Variants in NAV2 observed in about 807,000 individuals in gnomAD.
NAV2 encodes neuron navigator 2, also known as helicase, APC down-regulated 1.
NAV2 carries 54 observed loss-of-function variants against 223.2 expected under a neutral mutation model. That is an observed-to-expected ratio of 0.24 (90% CI 0.19 to 0.30). NAV2 has a LOEUF of 0.30. Among genes scored for constraint, NAV2 ranks in the 10% least tolerant of loss-of-function variants. The pLI, the probability that NAV2 is intolerant of heterozygous loss-of-function variation, is 1.00. For missense variants in NAV2, 2,806 were observed against 3,147.5 expected (o/e 0.89, Z 2.60); for synonymous variants, 1,279 against 1,239.3 (o/e 1.03, Z -0.67).
At chr11:19,838,245 T>C (rs575748238) in intron 2 of NAV2, among the ~76,000 whole-genome samples, 62 of 152,270 alleles carry the variant, frequency 4.1e-4, no homozygotes, top group South Asian at 2.1e-3. Flanking sequence ...AGGAGGAGTG[T>C]AGTGATGATG....
At chr11:19,774,739 T>C (rs1266050227) in intron 1 of NAV2, among the ~76,000 whole-genome samples, 1 of 152,202 alleles carries the variant, frequency 6.6e-6, no homozygotes, top group Non-Finnish European at 1.5e-5. Flanking sequence ...AGAATACCTA[T>C]GACCTAAGGT....
intron 11 of NAV2, among the ~76,000 whole-genome samples, chr11:20,004,381 G>A (rs974607724): frequency 2.9e-4 from 44 of 152,278 alleles, no homozygotes; most frequent in African/African-American, 9.9e-4. Context: ...AAATGGGCAT[G>A]TAAAGTCCTG....
intron 1 of NAV2, among the ~76,000 whole-genome samples, chr11:19,409,079 C>T (rs1850030676): frequency 1.3e-5 from 2 of 152,154 alleles, no homozygotes. Flanking sequence ...GTATGTTAAG[C>T]CATGTAAATC....
At chr11:19,737,770 G>C (rs995844101) in intron 1 of NAV2, among the ~76,000 whole-genome samples, 6 of 152,182 alleles carry the variant, frequency 3.9e-5, no homozygotes, top group Non-Finnish European at 8.8e-5. Context: ...CCCAGTGAAT[G>C]GTGGCTATTA....
At chr11:19,490,713 T>A (rs1242604817) in intron 1 of NAV2, among the ~76,000 whole-genome samples, 1 of 152,256 alleles carries the variant, frequency 6.6e-6, no homozygotes, top group Non-Finnish European at 1.5e-5. Flanking sequence ...TTTCCATTAA[T>A]GTTGATACTT....
intron 1 of NAV2, among the ~76,000 whole-genome samples, chr11:19,757,692 C>T (rs970387704): frequency 6.6e-6 from 1 of 152,114 alleles, no homozygotes; most frequent in Admixed American, 6.5e-5. Flanking sequence ...ATCTGGTGCA[C>T]AGTAACAGCT....
At chr11:19,961,503 T>C (rs1170567684) in intron 10 of NAV2, among the ~76,000 whole-genome samples, 1 of 152,232 alleles carries the variant, frequency 6.6e-6, no homozygotes, top group East Asian at 1.9e-4. Context: ...CAGATCAAGA[T>C]AAGAAGCTTA....
intron 1 of NAV2, among the ~76,000 whole-genome samples, chr11:19,704,468 C>G (rs2049600136): frequency 6.6e-6 from 1 of 152,132 alleles, no homozygotes; most frequent in Non-Finnish European, 1.5e-5. Flanking sequence ...AAGTCCTGCT[C>G]TTCTACTTAA....
intron 1 of NAV2, among the ~76,000 whole-genome samples, chr11:19,636,303 C>G (rs1055835546): frequency 1.3e-5 from 2 of 152,150 alleles, no homozygotes; most frequent in African/African-American, 4.8e-5. Context: ...CTTATCCCTA[C>G]AAAGCGGCTC....
At chr11:19,444,547 A>G (rs1851514598) in intron 1 of NAV2, among the ~76,000 whole-genome samples, 1 of 151,588 alleles carries the variant, frequency 6.6e-6, no homozygotes, top group Non-Finnish European at 1.5e-5. Flanking sequence ...GAATGGCTGT[A>G]GAACCGGCCC....
At chr11:19,795,313 A>G (rs1344461322) in intron 1 of NAV2, among the ~76,000 whole-genome samples, 3 of 152,226 alleles carry the variant, frequency 2.0e-5, no homozygotes, top group Non-Finnish European at 2.9e-5. Context: ...ATTTAAGTCA[A>G]TGTCACCCAA....
chr11:19,995,294 T>C (rs907390671), intron 11 of NAV2, among the ~76,000 whole-genome samples: 2 of 152,230 alleles, frequency 1.3e-5, no homozygotes, highest in African/African-American at 4.8e-5. Context: ...GCAGGGACTC[T>C]GTGAACTGTT....
intron 1 of NAV2, among the ~76,000 whole-genome samples, chr11:19,467,454 A>G (rs986803718): frequency 2.6e-5 from 4 of 152,234 alleles, no homozygotes; most frequent in Non-Finnish European, 5.9e-5. Context: ...TAAGACAAGA[A>G]AATCACTCGT....
At chr11:20,085,807 C>T (rs1435387951) in intron 26 of NAV2, among the ~76,000 whole-genome samples, 2 of 152,190 alleles carry the variant, frequency 1.3e-5, no homozygotes, top group Non-Finnish European at 2.9e-5. Flanking sequence ...GCAGAGGAAC[C>T]TGCAGGAGGG....
chr11:19,745,688 A>C (rs2152477001), intron 1 of NAV2, among the ~76,000 whole-genome samples: 1 of 152,336 alleles, frequency 6.6e-6, no homozygotes, highest in East Asian at 1.9e-4. Context: ...TTTGCACCTC[A>C]GATCATCAGG....
intron 4 of NAV2, 30 bp downstream of exon 4, chr11:19,869,027 C>A: frequency 6.2e-7 from 1 of 1,604,814 alleles, no homozygotes; most frequent in Non-Finnish European, 8.5e-7. Context: ...ACGAAGCTGC[C>A]TCTTCATCAT....
Position 20,027,855 on chromosome 11 carries a change from C to T in NAV2, c.2769-8104C>T, listed in dbSNP as rs116086913. 9.9e-3 allele frequency among the ~76,000 whole-genome samples: 1,508 copies of T among 152,344 alleles called. 28 individuals carry two copies. Among genetic ancestry groups the T allele is most frequent in the African/African-American group, 0.034 (1,434 of 41,574 alleles). ...TCCAGATCCTTCAATAACTCCTCCT[C>T]CCGGAGTCTTTTGCTGAAAGCAAGG... On this transcript the variant is annotated intron_variant, in intron 11 of 37. Transcript: ENST00000349880.
intron 36 of NAV2, among the ~76,000 whole-genome samples, chr11:20,112,627 T>C (rs7127722): frequency 0.85 from 129,321 of 151,910 alleles, 56,205 homozygotes; most frequent in Non-Finnish European, 0.96. Flanking sequence ...CTCCCTGCTC[T>C]GGGTCTGGCT....
chr11:20,112,678 TGTCA>T (rs2062737525), intron 36 of NAV2, among the ~76,000 whole-genome samples: 5 of 152,030 alleles, frequency 3.3e-5, no homozygotes. Context: ...TTCAAGGTGG[TGTCA>T]GTCAGGAGGG....
Sources: gnomAD v4.1 joint callset for allele counts (sites outside exome capture counted in the v4.1 genomes callset) on GRCh38, gnomAD v4.1.1 for gene constraint, MANE v1.5 for transcripts, NCBI Gene and HGNC (gene_info 2026-07-23, HGNC 2026-07-21) for gene names.